CTNNA3: variants seen among roughly 807,000 people sequenced by gnomAD.
CTNNA3 encodes the protein catenin alpha-3.
CTNNA3 carries 76 observed loss-of-function variants against 95.7 expected under a neutral mutation model. The ratio of observed to expected loss-of-function variants is 0.79; its 90% CI spans 0.66 to 0.96. CTNNA3 has a LOEUF of 0.96. Ranked by LOEUF, CTNNA3 falls within the 40% of genes least tolerant of loss-of-function variation. The probability of loss-of-function intolerance (pLI) is 0.00; values close to 1 mark genes in which losing one functional copy is unlikely to be tolerated. For missense variants in CTNNA3, 1,191 were observed against 1,089.8 expected (o/e 1.09, Z -1.31); for synonymous variants, 431 against 374.4 (o/e 1.15, Z -1.74).
intron 11 of CTNNA3, among the ~76,000 whole-genome samples, chr10:66,432,363 T>C (rs1024651276): frequency 2.6e-5 from 4 of 152,134 alleles, no homozygotes; most frequent in Non-Finnish European, 5.9e-5. Context: ...TATTATACTT[T>C]AAGTTCTGGG....
In CTNNA3 at chr10:66,183,567, T is replaced by C. The variant is rs2086164085; in HGVS notation, c.1885-80318A>G. Among the ~76,000 whole-genome samples the C allele has an allele frequency of 2.6e-5, 4 of 152,380 alleles. No individual in the cohort carries two copies. In the South Asian group the frequency reaches 8.3e-4, roughly 32 times the overall value. ...CAAATCAATAAAAATTAACCTATAC[T>C]ATGCCAATGGGCATTGGGTTGGGGT... On this transcript the variant is annotated intron_variant, in intron 13 of 17. Transcript: ENST00000433211.
chr10:67,497,509 C>T (rs897340967), intron 5 of CTNNA3, among the ~76,000 whole-genome samples: 21 of 152,238 alleles, frequency 1.4e-4, no homozygotes, highest in Non-Finnish European at 2.9e-5. Flanking sequence ...AATTGCCACA[C>T]TGTCTTCCAC....
At chr10:66,847,588 C>A (rs946540649) in intron 7 of CTNNA3, among the ~76,000 whole-genome samples, 3 of 152,096 alleles carry the variant, frequency 2.0e-5, no homozygotes, top group Non-Finnish European at 4.4e-5. Flanking sequence ...ATACTCATCT[C>A]AGAAGTTGGC....
At chr10:66,402,716 C>G (rs1031850721) in intron 11 of CTNNA3, among the ~76,000 whole-genome samples, 7 of 152,162 alleles carry the variant, frequency 4.6e-5, no homozygotes, top group African/African-American at 1.7e-4. Flanking sequence ...AGAAGATAAT[C>G]GTAGCCTAAA....
intron 15 of CTNNA3, among the ~76,000 whole-genome samples, chr10:66,055,025 T>C (rs537688828): frequency 4.6e-5 from 7 of 152,322 alleles, no homozygotes; most frequent in African/African-American, 1.7e-4. Context: ...CAAAATGAGT[T>C]GACTATAAAT....
Position 66,609,720 on chromosome 10 carries a change from C to G in CTNNA3, c.1374+11972G>C, listed in dbSNP as rs548369802. ...CCTCAAAGACCTAAATTCAGAAATA[C>G]CATTTGACCCAGCAATCCTAGTGCT... On this transcript the variant is annotated intron_variant, in intron 10 of 17. Coordinates refer to ENST00000433211, the MANE Select transcript of CTNNA3 (RefSeq NM_013266.4). 3.4e-4 allele frequency among the ~76,000 whole-genome samples: 51 copies of G among 152,044 alleles called. No homozygotes were observed. In the South Asian group the frequency reaches 0.01, roughly 30 times the overall value.
At chr10:67,493,268 G>C (rs1564690608) in intron 5 of CTNNA3, among the ~76,000 whole-genome samples, 1 of 151,892 alleles carries the variant, frequency 6.6e-6, no homozygotes, top group Admixed American at 6.6e-5. Context: ...TTTATGTTAA[G>C]AGTTTGATTT....
intron 7 of CTNNA3, among the ~76,000 whole-genome samples, chr10:66,866,360 T>G (rs991780098): frequency 6.6e-6 from 1 of 152,216 alleles, no homozygotes; most frequent in Non-Finnish European, 1.5e-5. Flanking sequence ...GTCTTCACCT[T>G]TGCATCCTCC....
Position 66,067,734 on chromosome 10 carries a change from G to C in CTNNA3, c.2159+1574C>G, listed in dbSNP as rs374538265. 1.2e-4 allele frequency among the ~76,000 whole-genome samples: 19 copies of C among 152,090 alleles called. No individual in the cohort carries two copies. The East Asian group carries it at 3.7e-3, about 30-fold the overall frequency. On this transcript the variant is annotated intron_variant, in intron 15 of 17. Coordinates refer to ENST00000433211, the MANE Select transcript of CTNNA3 (RefSeq NM_013266.4). ...AGTTTGAGACCAGCCACACCAATAT[G>C]GTGAAACTCCGTCTCTACTAAAAAT...
chr10:66,702,143 A>G (rs551774980), intron 9 of CTNNA3, among the ~76,000 whole-genome samples: 8 of 152,232 alleles, frequency 5.3e-5, no homozygotes, highest in African/African-American at 1.9e-4. Context: ...CACAGTAAAA[A>G]AAAAACAAAT....
chr10:66,306,788 T>C (rs2091940729), intron 12 of CTNNA3, among the ~76,000 whole-genome samples: 1 of 152,182 alleles, frequency 6.6e-6, no homozygotes, highest in African/African-American at 2.4e-5. Flanking sequence ...AATTAAAGAC[T>C]GGTTTTCGTA....
At chr10:66,806,492 T>C (rs546062922) in intron 7 of CTNNA3, among the ~76,000 whole-genome samples, 1 of 152,142 alleles carries the variant, frequency 6.6e-6, no homozygotes, top group Non-Finnish European at 1.5e-5. Context: ...TGTAGAAAGA[T>C]TTCTCAAAAT....
intron 12 of CTNNA3, among the ~76,000 whole-genome samples, chr10:66,293,514 T>C (rs563117809): frequency 1.3e-5 from 2 of 152,298 alleles, no homozygotes; most frequent in Admixed American, 6.5e-5. Flanking sequence ...ATTTGATAGA[T>C]ATTTAATGGC....
chr10:66,307,724 C>T (rs1369202021), intron 12 of CTNNA3, among the ~76,000 whole-genome samples: 1 of 152,166 alleles, frequency 6.6e-6, no homozygotes, highest in Non-Finnish European at 1.5e-5. Context: ...TTTTATTGAT[C>T]TAAAGACTTA....
intron 14 of CTNNA3, among the ~76,000 whole-genome samples, chr10:66,080,384 A>G (rs1250088417): frequency 2.0e-5 from 3 of 152,152 alleles, no homozygotes; most frequent in Admixed American, 1.3e-4. Context: ...GTAACCCAAC[A>G]TTGTAAAATT....
intron 12 of CTNNA3, among the ~76,000 whole-genome samples, chr10:66,299,398 T>A (rs2091829192): frequency 6.6e-6 from 1 of 152,152 alleles, no homozygotes; most frequent in Non-Finnish European, 1.5e-5. Flanking sequence ...ATAATTTTTT[T>A]AAATCCTCAG....
chr10:67,043,135 C>CTTTT (rs34946963), intron 7 of CTNNA3, among the ~76,000 whole-genome samples: 4 of 103,746 alleles, frequency 3.9e-5, no homozygotes, highest in African/African-American at 6.3e-5. Flanking sequence ...CACTTTCTTT[C>CTTTT]TTTTTTTTTT....
At chr10:67,066,535 C>CA (rs57093251) in intron 7 of CTNNA3, among the ~76,000 whole-genome samples, 2,426 of 80,006 alleles carry the variant, frequency 0.03, 67 homozygotes, top group African/African-American at 0.068. Flanking sequence ...CAGTTCTTGA[C>CA]AAAAAAAAAA....
intron 6 of CTNNA3, among the ~76,000 whole-genome samples, chr10:67,212,286 C>T (rs1026401231): frequency 4.6e-5 from 7 of 151,862 alleles, no homozygotes; most frequent in Non-Finnish European, 1.5e-5. Flanking sequence ...CCTCTTTCTC[C>T]CCACTCCTCC....
Sources: gnomAD v4.1 joint callset for allele counts (sites outside exome capture counted in the v4.1 genomes callset) on GRCh38, gnomAD v4.1.1 for gene constraint, MANE v1.5 for transcripts, NCBI Gene and HGNC (gene_info 2026-07-23, HGNC 2026-07-21) for gene names.